ENPEP: variants seen among roughly 807,000 people sequenced by gnomAD.
ENPEP encodes glutamyl aminopeptidase.
ENPEP carries 103 observed loss-of-function variants against 114.5 expected under a neutral mutation model. That is an observed-to-expected ratio of 0.90 (90% CI 0.77 to 1.06). ENPEP has a LOEUF of 1.06. Among genes scored for constraint, ENPEP ranks in the 50% least tolerant of loss-of-function variants. The pLI is 0.00. For synonymous variants in ENPEP, 420 were observed against 422.0 expected, an observed-to-expected ratio of 1.00 and a Z score of 0.06; for missense variants, 1,196 against 1,161.3, an observed-to-expected ratio of 1.03 and a Z score of -0.43.
rs1468794508 is a variant in ENPEP, at chr4:110,476,736, C to A, written c.322C>A (p.Pro108Thr). ...NPVHYDLHVKPLLEEDTYTGT... is the reference protein window; with the variant it reads ...NPVHYDLHVKTLLEEDTYTGT... ...AGTCCACTACGACCTGCACGTGAAG[C>A]CCCTGTTGGAGGAGGACACCTACAC... Residue 108 changes from proline to threonine, a missense_variant, in exon 1 of 20, where the codon CCC becomes ACC. Physicochemically the swap from Pro to Thr is conservative, Grantham distance 38. Transcript: ENST00000265162. 1.2e-6 allele frequency: 2 copies of A among 1,614,090 alleles called. No individual in the cohort carries two copies. The highest frequency in any genetic ancestry group is 2.2e-5 in the East Asian group (1 of 44,866).
At chr4:110,497,273 A>G (rs565877555) in intron 3 of ENPEP, among the ~76,000 whole-genome samples, 1 of 152,274 alleles carries the variant, frequency 6.6e-6, no homozygotes, top group East Asian at 1.9e-4. Context: ...TTTCAGAATG[A>G]ATTTGATTTC....
chr4:110,509,969 CTT>C (rs1487495868), intron 5 of ENPEP, among the ~76,000 whole-genome samples, 162 bp downstream of exon 5: 7 of 152,220 alleles, frequency 4.6e-5, no homozygotes, highest in Non-Finnish European at 1.0e-4. Flanking sequence ...CATAAAGAGA[CTT>C]TGAACCACAT....
chr4:110,513,437 A>T lies in ENPEP; in HGVS notation c.1331A>T (p.Asp444Val). 1 of 1,611,730 alleles carries T rather than the reference A, an allele frequency of 6.2e-7. No individual in the cohort carries two copies. Among genetic ancestry groups the T allele is most frequent in the Non-Finnish European group, 8.5e-7 (1 of 1,178,862 alleles). Residue 444 changes from aspartate (D) to valine (V), a missense_variant, in exon 7 of 20, where the codon GAT becomes GTT. By Grantham distance (152) the Asp-to-Val change is radical (BLOSUM62 -3). Transcript: ENST00000265162. Reference protein sequence around the residue: ...WQMRDQMLLEDVLPVQEDDSL... With the variant: ...WQMRDQMLLEVVLPVQEDDSL... ...CAGCGTGACCAAATGTTACTTGAAG[A>T]TGTATTACCTGTTCAAGAGGATGAT...
chr4:110,558,391 G>A (rs931208031), intron 18 of ENPEP, among the ~76,000 whole-genome samples: 2 of 151,312 alleles, frequency 1.3e-5, no homozygotes, highest in Non-Finnish European at 2.9e-5. Context: ...CAGTTCAAGC[G>A]ATCCTCCCGC....
At chr4:110,557,566 T>A (rs1186804040) in intron 18 of ENPEP, among the ~76,000 whole-genome samples, 3 of 152,160 alleles carry the variant, frequency 2.0e-5, no homozygotes, top group Non-Finnish European at 4.4e-5. Context: ...GATGTGGGAA[T>A]ATAAACATTC....
Position 110,476,864 on chromosome 4 carries a change from CT to C in ENPEP, c.451del (p.Ser151LeufsTer38). ...CCCGGCTCCCGGAGCTGAAGAGGCC[CT>C]CTGGGGACCAGGTGCAAGTCCGGAG... Reference protein sequence around the residue: ...ITRLPELKRPSGDQVQVRRCF... With the variant: ...ITRLPELKRPXGDQVQVRRCF... On this transcript the variant is annotated frameshift_variant, in exon 1 of 20. Coordinates refer to ENST00000265162, the MANE Select transcript of ENPEP (RefSeq NM_001977.4). LOFTEE classifies it high-confidence loss of function. 1.9e-6 allele frequency: 3 copies of C among 1,614,138 alleles called. 1 individual carries two copies. The South Asian group carries it at 3.3e-5, about 18-fold the overall frequency.
Position 110,549,539 on chromosome 4 carries a change from C to G in ENPEP, c.2237C>G (p.Ser746Cys), listed in dbSNP as rs866342562. ...AGDHVTKLLR[S>C]SVLGFACKMG... is the part of the protein sequence containing the mutation. ...GTTTGTTTTTTAAGGTTACTCCGTT[C>G]CTCCGTGTTAGGGTTTGCGTGCAAG... Residue 746 changes from serine to cysteine, a missense_variant, in exon 16 of 20, where the codon TCC becomes TGC. Transcript: ENST00000265162. The G allele has an allele frequency of 6.2e-7, 1 of 1,613,368 alleles. No homozygotes were observed. The highest frequency in any genetic ancestry group is 8.5e-7 in the Non-Finnish European group (1 of 1,179,598).
chr4:110,493,190 CAGTT>C (rs1393858448), intron 3 of ENPEP, among the ~76,000 whole-genome samples: 1 of 152,078 alleles, frequency 6.6e-6, no homozygotes, highest in East Asian at 1.9e-4. Flanking sequence ...GAGCCTGTAC[CAGTT>C]AGTTAGCTGG....
At chr4:110,487,722 A>AT (rs1724555499) in intron 1 of ENPEP, among the ~76,000 whole-genome samples, 1 of 152,126 alleles carries the variant, frequency 6.6e-6, no homozygotes. Context: ...ACTTTGCTTC[A>AT]TTTTCTAATA....
chr4:110,480,359 C>A (rs143147481), intron 1 of ENPEP, among the ~76,000 whole-genome samples: 6 of 152,160 alleles, frequency 3.9e-5, no homozygotes, highest in Non-Finnish European at 7.3e-5. Context: ...TTTGGCAATG[C>A]AGCCTCTAGG....
intron 3 of ENPEP, among the ~76,000 whole-genome samples, chr4:110,505,835 T>C (rs1340346497): frequency 2.0e-5 from 3 of 152,214 alleles, no homozygotes; most frequent in Non-Finnish European, 4.4e-5. Flanking sequence ...ACCTGTAATA[T>C]TCTTTTCCAG....
intron 19 of ENPEP, among the ~76,000 whole-genome samples, chr4:110,560,845 T>A (rs771328293): frequency 1.3e-5 from 2 of 152,236 alleles, no homozygotes; most frequent in Non-Finnish European, 2.9e-5. Flanking sequence ...AGATATTGAA[T>A]GCTAAGAGTT....
chr4:110,491,443 A>T (rs1431941469), intron 3 of ENPEP, among the ~76,000 whole-genome samples: 1 of 152,198 alleles, frequency 6.6e-6, no homozygotes, highest in African/African-American at 2.4e-5. Flanking sequence ...ATACCAGCAC[A>T]AATATATTAA....
intron 1 of ENPEP, among the ~76,000 whole-genome samples, chr4:110,478,665 C>G (rs1247061252): frequency 6.6e-6 from 1 of 152,186 alleles, no homozygotes. Flanking sequence ...TCTTGAACTC[C>G]TGGACTCAAG....
At chr4:110,539,661 A>T (rs1726778147) in intron 11 of ENPEP, among the ~76,000 whole-genome samples, 1 of 152,148 alleles carries the variant, frequency 6.6e-6, no homozygotes, top group Admixed American at 6.6e-5. Context: ...AAGTGCTGGG[A>T]TTACAAGTGT....
intron 7 of ENPEP, 64 bp from the exon 8 acceptor site, chr4:110,515,313 T>C: frequency 7.4e-7 from 1 of 1,343,780 alleles, no homozygotes; most frequent in Non-Finnish European, 1.1e-6. Context: ...GCAAGAGTAA[T>C]AACTGATCAT....
intron 3 of ENPEP, among the ~76,000 whole-genome samples, chr4:110,502,977 C>T (rs369221452): frequency 1.7e-4 from 26 of 152,132 alleles, no homozygotes; most frequent in East Asian, 9.7e-4. Context: ...CATATGTATA[C>T]ATGTGCCATG....
chr4:110,530,757 G>GTTA (rs1726377314), intron 10 of ENPEP, among the ~76,000 whole-genome samples: 1 of 152,094 alleles, frequency 6.6e-6, no homozygotes, highest in South Asian at 2.1e-4. Context: ...TCTAAAATGT[G>GTTA]TTATTTCCTT....
rs759545481 is a variant in ENPEP at position 110,506,788 on chromosome 4, TA to T, written c.1039+33del. ...GATCATTTTTTAATTTTCTTATTTT[TA>T]ATATTGCCTTTGTTTTTATCTAAGT... is the stretch of plus-strand genomic sequence containing the variant. On this transcript the variant is annotated intron_variant, in intron 4 of 19. Coordinates refer to ENST00000265162, the MANE Select transcript of ENPEP (RefSeq NM_001977.4). The T allele has an allele frequency of 5.6e-6, 8 of 1,429,112 alleles. No homozygotes were observed. The East Asian group carries it at 2.0e-4, about 35-fold the overall frequency. The allele number at this position is 1,429,112 out of a possible 1,614,324, so 88.5% of individuals were successfully genotyped here. A position where few individuals can be genotyped will look rare whatever the true frequency, so the allele number is the denominator to read the frequency against.
Sources: allele counts gnomAD v4.1 joint callset (sites outside exome capture counted in the v4.1 genomes callset), GRCh38; gene constraint gnomAD v4.1.1; transcripts MANE v1.5; gene names NCBI Gene and HGNC (gene_info 2026-07-23, HGNC 2026-07-21).